The following LRFN5 variants were observed in gnomAD, a reference collection of about 807,000 sequenced individuals.
LRFN5 encodes the protein leucine rich repeat and fibronectin type III domain containing 5.
Under a neutral mutation model 45.6 loss-of-function variants are expected in LRFN5, and 24 were observed. That is an observed-to-expected ratio of 0.53 (90% CI 0.38 to 0.74). The LOEUF is 0.74. Ranked by LOEUF, LRFN5 falls within the 30% of genes least tolerant of loss-of-function variation. The pLI, the probability that LRFN5 is intolerant of heterozygous loss-of-function variation, is 0.00. For synonymous variants in LRFN5, 340 were observed against 313.8 expected (o/e 1.08, Z -0.88); for missense variants, 776 against 861.5 (o/e 0.90, Z 1.24).
chr14:41,676,943 G>A (rs772237875), intron 1 of LRFN5, among the ~76,000 whole-genome samples: 31 of 152,176 alleles, frequency 2.0e-4, no homozygotes, highest in Non-Finnish European at 3.4e-4. Context: ...CTCACCAAAT[G>A]TGGGACCAGA....
At chr14:41,875,061 G>C (rs1243501333) in intron 2 of LRFN5, among the ~76,000 whole-genome samples, 1 of 152,190 alleles carries the variant, frequency 6.6e-6, no homozygotes, top group Non-Finnish European at 1.5e-5. Flanking sequence ...GATGAGATTT[G>C]GGTGGGGAGA....
intron 1 of LRFN5, among the ~76,000 whole-genome samples, chr14:41,704,605 C>T (rs866340736): frequency 1.3e-5 from 2 of 151,860 alleles, no homozygotes; most frequent in Non-Finnish European, 2.9e-5. Flanking sequence ...ACTACAGATG[C>T]GTGCCACCAC....
chr14:41,739,265 G>A (rs1163251631), intron 1 of LRFN5, among the ~76,000 whole-genome samples: 2 of 152,040 alleles, frequency 1.3e-5, no homozygotes, highest in African/African-American at 4.8e-5. Context: ...TGTGCCTGTA[G>A]TCTTAGCTAT....
chr14:41,815,563 C>T (rs1887889089), intron 2 of LRFN5, among the ~76,000 whole-genome samples: 1 of 151,918 alleles, frequency 6.6e-6, no homozygotes, highest in African/African-American at 2.4e-5. Context: ...ATAGGGAGAC[C>T]TCATCTCTAC....
At chr14:41,885,962 G>A (rs569889971) in intron 2 of LRFN5, among the ~76,000 whole-genome samples, 2 of 146,522 alleles carry the variant, frequency 1.4e-5, no homozygotes, top group Non-Finnish European at 3.0e-5. Context: ...TGGAAGTTAC[G>A]GTGAGCCAAG....
intron 1 of LRFN5, among the ~76,000 whole-genome samples, chr14:41,717,137 G>T (rs1253827378): frequency 6.6e-6 from 1 of 152,074 alleles, no homozygotes; most frequent in Admixed American, 6.6e-5. Flanking sequence ...ATTTTAAGTT[G>T]TCCATGTTTA....
At chr14:41,680,488 C>A (rs559078865) in intron 1 of LRFN5, among the ~76,000 whole-genome samples, 1 of 152,174 alleles carries the variant, frequency 6.6e-6, no homozygotes, top group Non-Finnish European at 1.5e-5. Context: ...CAAGGGAATT[C>A]TTCCAGATCT....
intron 1 of LRFN5, among the ~76,000 whole-genome samples, chr14:41,622,183 C>T (rs1241064520): frequency 2.0e-5 from 3 of 149,212 alleles, no homozygotes; most frequent in African/African-American, 7.4e-5. Flanking sequence ...ATTTTTCTGT[C>T]CCCCATGTGA....
At chr14:41,656,163 ACTAATCT>A (rs1880370830) in intron 1 of LRFN5, among the ~76,000 whole-genome samples, 1 of 152,074 alleles carries the variant, frequency 6.6e-6, no homozygotes, top group Admixed American at 6.6e-5. Context: ...TGGGCAAATC[ACTAATCT>A]CTCAATTTCA....
intron 1 of LRFN5, among the ~76,000 whole-genome samples, chr14:41,644,809 G>C (rs1422510076): frequency 6.6e-6 from 1 of 152,150 alleles, no homozygotes; most frequent in Non-Finnish European, 1.5e-5. Context: ...CAGAAATTCT[G>C]GGAGAATCTT....
At position 41,753,838 on chromosome 14, in the gene LRFN5, T is replaced by C. The variant is rs912431196; in HGVS notation, c.-196-13016T>C. 2.0e-4 allele frequency among the ~76,000 whole-genome samples: 31 copies of C among 152,200 alleles called. 1 individual carries two copies. Among genetic ancestry groups the C allele is most frequent in the Non-Finnish European group, 4.4e-5 (3 of 68,036 alleles). Reference sequence around the variant, plus strand: ...AGTGGTGAGAGAGGGCATCCCTGTCTTGTGCCAGTTTTCAAAGGGAATGCT... The same window carrying C: ...AGTGGTGAGAGAGGGCATCCCTGTCCTGTGCCAGTTTTCAAAGGGAATGCT... On this transcript the variant is annotated intron_variant, in intron 1 of 5. Transcript: ENST00000298119.
intron 1 of LRFN5, among the ~76,000 whole-genome samples, chr14:41,720,265 A>G (rs2138767843): frequency 6.6e-6 from 1 of 152,246 alleles, no homozygotes; most frequent in East Asian, 1.9e-4. Context: ...CACAAAAGAC[A>G]TGATTTCATA....
At chr14:41,787,995 A>C (rs1362199355) in intron 2 of LRFN5, among the ~76,000 whole-genome samples, 1 of 152,086 alleles carries the variant, frequency 6.6e-6, no homozygotes, top group Non-Finnish European at 1.5e-5. Context: ...TTTCTAACAC[A>C]TGAAGATATA....
chr14:41,657,948 A>T (rs1880456502), intron 1 of LRFN5, among the ~76,000 whole-genome samples: 1 of 151,734 alleles, frequency 6.6e-6, no homozygotes, highest in Non-Finnish European at 1.5e-5. Context: ...AAAACCTCTG[A>T]CCTATGTCAA....
At chr14:41,871,178 T>C (rs1890006458) in intron 2 of LRFN5, among the ~76,000 whole-genome samples, 1 of 152,174 alleles carries the variant, frequency 6.6e-6, no homozygotes, top group Non-Finnish European at 1.5e-5. Flanking sequence ...ATACTAGATT[T>C]ATCTCATTAA....
At chr14:41,839,765 T>C (rs1055227603) in intron 2 of LRFN5, among the ~76,000 whole-genome samples, 13 of 152,140 alleles carry the variant, frequency 8.5e-5, no homozygotes, top group African/African-American at 2.9e-4. Flanking sequence ...CCTGTGAAGC[T>C]ATTGCTATAC....
chr14:41,672,869 T>A (rs890252030), intron 1 of LRFN5, among the ~76,000 whole-genome samples: 5 of 152,168 alleles, frequency 3.3e-5, no homozygotes, highest in African/African-American at 1.2e-4. Context: ...TTATTGTTTT[T>A]ATCTATGCCT....
rs188168286 is a variant in LRFN5 at position 41,899,848 on chromosome 14, C to G, written c.2142+888C>G. Among the ~76,000 whole-genome samples, 21 of 152,120 alleles carry G rather than the reference C, an allele frequency of 1.4e-4. No homozygotes were observed. In the East Asian group the frequency reaches 3.5e-3, roughly 25 times the overall value. On this transcript the variant is annotated intron_variant, in intron 5 of 5. Transcript: ENST00000298119. ...TCATTTCTTTACTGAATTTAGAATC[C>G]CATTCTTATGTTGCAAAAAACAGCA... is the stretch of plus-strand genomic sequence containing the variant.
intron 1 of LRFN5, among the ~76,000 whole-genome samples, chr14:41,632,954 T>C (rs1454785762): frequency 2.0e-5 from 3 of 152,164 alleles, no homozygotes; most frequent in African/African-American, 4.8e-5. Context: ...ATATGATTTT[T>C]CTGTGCTATT....
Sources: gnomAD v4.1 joint callset for allele counts (sites outside exome capture counted in the v4.1 genomes callset) on GRCh38, gnomAD v4.1.1 for gene constraint, MANE v1.5 for transcripts, NCBI Gene and HGNC (gene_info 2026-07-23, HGNC 2026-07-21) for gene names.